Variants in ZMAT1 observed in about 807,000 individuals in gnomAD.
The protein encoded by ZMAT1 is zinc finger matrin-type protein 1.
Under a neutral mutation model 18.5 loss-of-function variants are expected in ZMAT1, and 11 were observed. That is an observed-to-expected ratio of 0.59 (90% confidence interval 0.37 to 0.98). ZMAT1 has a LOEUF of 0.98. Among genes scored for constraint, ZMAT1 ranks in the 50% least tolerant of loss-of-function variants. The pLI is 0.01. For synonymous variants in ZMAT1, 211 were observed against 176.4 expected, an observed-to-expected ratio of 1.20 and a Z score of -1.55; for missense variants, 525 against 496.2, an observed-to-expected ratio of 1.06 and a Z score of -0.55.
intron 4 of ZMAT1, among the ~76,000 whole-genome samples, chrX:101,891,582 G>A (rs1034581146): frequency 2.7e-5 from 3 of 110,946 alleles, no homozygotes; most frequent in African/African-American, 9.8e-5. Context: ...ATGTATGGGT[G>A]GGCACAGGAA....
chrX:101,894,457 T>C, intron 4 of ZMAT1: 1 of 754,177 alleles, frequency 1.3e-6, no homozygotes, highest in Non-Finnish European at 1.6e-6. Flanking sequence ...TAGTTACCTG[T>C]GGGTTTCTAC....
intron 4 of ZMAT1, among the ~76,000 whole-genome samples, chrX:101,893,516 A>G (rs1927576829): frequency 8.9e-6 from 1 of 111,906 alleles, no homozygotes; most frequent in Non-Finnish European, 1.9e-5. Flanking sequence ...GAAACCTGAA[A>G]GAGTAGAAAA....
intron 1 of ZMAT1, among the ~76,000 whole-genome samples, chrX:101,907,030 C>T (rs1012684160): frequency 3.6e-5 from 4 of 111,703 alleles, no homozygotes; most frequent in South Asian, 3.7e-4. Flanking sequence ...CTCAGTGATC[C>T]CAGGAACCAG....
At chrX:101,912,000 T>C in intron 1 of ZMAT1, 4 of 1,190,815 alleles carry the variant, frequency 3.4e-6, no homozygotes, top group Non-Finnish European at 4.6e-6. Context: ...AAGCCATATG[T>C]GTGCAGGGAC....
chrX:101,930,241 T>C (rs748533052), intron 1 of ZMAT1, among the ~76,000 whole-genome samples: 5 of 112,195 alleles, frequency 4.5e-5, no homozygotes, highest in South Asian at 3.7e-4. Context: ...TCTTGATGCC[T>C]ATAAAACTGC....
At chrX:101,917,390 C>T (rs780082849) in intron 1 of ZMAT1, among the ~76,000 whole-genome samples, 57 of 112,369 alleles carry the variant, frequency 5.1e-4, no homozygotes, top group African/African-American at 1.3e-3. Context: ...TTTGCATAGA[C>T]AGTACTCAAA....
At position 101,886,747 on chromosome X, in the gene ZMAT1, G is replaced by C; in HGVS notation, c.677-16C>G. The C allele has an allele frequency of 6.3e-6, 7 of 1,118,643 alleles. No homozygotes were observed. Among genetic ancestry groups the C allele is most frequent in the Non-Finnish European group, 8.5e-6 (7 of 819,812 alleles). The allele number at this position is 1,118,643 out of a possible 1,213,427, so 92.2% of individuals were successfully genotyped here. On this transcript the variant is annotated splice_polypyrimidine_tract_variant and intron_variant, in intron 4 of 5. Coordinates refer to ENST00000651725, the MANE Select transcript of ZMAT1 (RefSeq NM_001394560.1). The stretch of plus-strand genomic sequence containing the variant: ...ATACTAAATGCTGAAAAAACAAAGA[G>C]TTCAAGTTAAGAAGGTCAGTATAAA...
chrX:101,886,793 G>A (rs1482267927), intron 4 of ZMAT1, 62 bp from the exon 5 acceptor site: 1 of 745,255 alleles, frequency 1.3e-6, no homozygotes. Context: ...ATCACATAAT[G>A]TTAGAACTGG....
chrX:101,918,710 G>C (rs1929526749), intron 1 of ZMAT1: 1 of 110,509 alleles, frequency 9.0e-6, no homozygotes, highest in Non-Finnish European at 1.9e-5. Context: ...TATTACAGAA[G>C]AACCATTTCT....
rs1303795925 is a variant in ZMAT1 at position 101,884,380 on chromosome X, T to C, written c.1218A>G (p.Ser406=). The part of the protein sequence containing the change: ...YREMVDSGPR[S]RMCEQRFSHE... ...GTGAAAATCTTTGCTCACACATTCTTGATCTGGGTCCAGAATCAACCATTT... is the reference window on the plus strand; with the variant it reads ...GTGAAAATCTTTGCTCACACATTCTCGATCTGGGTCCAGAATCAACCATTT... The change falls in exon 6 of 6, where the codon TCA becomes TCG. Residue 406 remains serine, a synonymous_variant. Transcript: ENST00000651725. 8.3e-7 allele frequency: 1 copy of C among 1,208,836 alleles called. No homozygotes were observed. The highest frequency in any genetic ancestry group is 1.1e-6 in the Non-Finnish European group (1 of 894,760).
chrX:101,912,255 C>T (rs781297739), intron 1 of ZMAT1, among the ~76,000 whole-genome samples: 4 of 112,092 alleles, frequency 3.6e-5, no homozygotes, highest in South Asian at 3.7e-4. Flanking sequence ...GACCACCAAG[C>T]TCTAGGTCAT....
At chrX:101,919,920 CAGA>C (rs1929608557) in intron 1 of ZMAT1, among the ~76,000 whole-genome samples, 1 of 110,243 alleles carries the variant, frequency 9.1e-6, no homozygotes, top group Middle Eastern at 4.7e-3. Flanking sequence ...AGGATTGAAC[CAGA>C]AGAAGGGTAG....
Position 101,897,778 on chromosome X carries a change from G to C in ZMAT1, c.676+90C>G, listed in dbSNP as rs182091003. 1.2e-5 allele frequency: 9 copies of C among 770,236 alleles called. No homozygotes were observed. The Admixed American group carries it at 2.8e-4, about 24-fold the overall frequency. 63.5% of individuals were successfully genotyped at this position (770,236 alleles called of 1,213,427 possible). ...TCAAGTTATTTCAACTGGGGTGAAAGTCTCCCCCACTAAAAAGGATATGGC... is the reference window on the plus strand; with the variant it reads ...TCAAGTTATTTCAACTGGGGTGAAACTCTCCCCCACTAAAAAGGATATGGC... On this transcript the variant is annotated intron_variant, in intron 4 of 5. Coordinates refer to ENST00000651725, the MANE Select transcript of ZMAT1 (RefSeq NM_001394560.1).
Position 101,909,161 on chromosome X carries a change from C to T in ZMAT1, c.293-4831G>A, listed in dbSNP as rs753204022. Among the ~76,000 whole-genome samples, 13 of 109,853 alleles carry T rather than the reference C, an allele frequency of 1.2e-4. No individual in the cohort carries two copies. In the East Asian group the frequency reaches 3.2e-3, roughly 27 times the overall value. On this transcript the variant is annotated intron_variant, in intron 1 of 5. Coordinates refer to ENST00000651725, the MANE Select transcript of ZMAT1 (RefSeq NM_001394560.1). ...CTCCCAGATGACATTTCAAGACACA[C>T]CCTGAGCCAGAAAGGTATTCCCTGA... is the stretch of plus-strand genomic sequence containing the variant.
chrX:101,909,414 T>C (rs920544694), intron 1 of ZMAT1, among the ~76,000 whole-genome samples: 8 of 111,590 alleles, frequency 7.2e-5, no homozygotes, highest in African/African-American at 2.6e-4. Context: ...GGACTTTGTC[T>C]TACCCCTTAG....
chrX:101,888,322 T>G (rs896696303), intron 4 of ZMAT1: 4 of 111,245 alleles, frequency 3.6e-5, no homozygotes, highest in Admixed American at 9.6e-5. Flanking sequence ...TTTAGGAAAT[T>G]CGTACCATCT....
chrX:101,906,021 T>C (rs998428930), intron 1 of ZMAT1, among the ~76,000 whole-genome samples: 9 of 110,810 alleles, frequency 8.1e-5, no homozygotes, highest in African/African-American at 2.0e-4. Context: ...AAGCCCAGCA[T>C]AGAGTGGAGA....
At chrX:101,888,909 A>G (rs1927169017) in intron 4 of ZMAT1, 2 of 111,651 alleles carry the variant, frequency 1.8e-5, no homozygotes, top group Admixed American at 1.9e-4. Flanking sequence ...GTTTTTACAT[A>G]TTTATTTAGT....
chrX:101,918,483 CAA>C (rs1556306713), intron 1 of ZMAT1: 13 of 98,474 alleles, frequency 1.3e-4, no homozygotes, highest in South Asian at 1.0e-3. Context: ...CACACACACA[CAA>C]AAATTAGCTG....
Sources: gnomAD v4.1 joint callset for allele counts (sites outside exome capture counted in the v4.1 genomes callset) on GRCh38, gnomAD v4.1.1 for gene constraint, MANE v1.5 for transcripts, NCBI Gene and HGNC (gene_info 2026-07-23, HGNC 2026-07-21) for gene names.